Variants in CFAP97 observed in about 807,000 individuals in gnomAD.
The protein encoded by CFAP97 is cilia- and flagella-associated protein 97.
CFAP97 carries 36 observed loss-of-function variants against 43.1 expected under a neutral mutation model. The ratio of observed to expected loss-of-function variants is 0.84; its 90% CI spans 0.64 to 1.10. CFAP97 has a LOEUF of 1.10. Among genes scored for constraint, CFAP97 ranks in the 50% least tolerant of loss-of-function variants. CFAP97 has a pLI of 0.00. For missense variants in CFAP97, 657 were observed against 620.3 expected (o/e 1.06, Z -0.63); for synonymous variants, 228 against 225.7 (o/e 1.01, Z -0.09).
intron 1 of CFAP97, among the ~76,000 whole-genome samples, chr4:185,196,603 G>A (rs1461852429): frequency 1.3e-5 from 2 of 152,168 alleles, no homozygotes; most frequent in African/African-American, 4.8e-5. Context: ...TCTCAGGCAA[G>A]GGTTGGAAAT....
intron 1 of CFAP97, among the ~76,000 whole-genome samples, chr4:185,194,107 T>C (rs145053140): frequency 7.9e-5 from 12 of 152,314 alleles, no homozygotes; most frequent in African/African-American, 2.6e-4. Context: ...CTCCCCCAGC[T>C]TTCACACTAC....
chr4:185,192,792 G>C (rs995508963), intron 1 of CFAP97, among the ~76,000 whole-genome samples: 18 of 139,548 alleles, frequency 1.3e-4, no homozygotes, highest in African/African-American at 4.5e-4. Context: ...CCAGGCTGGA[G>C]TGCAGTGGTG....
At position 185,161,147 on chromosome 4, in the gene CFAP97, G is replaced by C. The variant is rs1358610520; in HGVS notation, c.*1651C>G. Reference sequence around the variant, plus strand: ...AGTATAGCTCAAGCTTATATACACAGCAGGTATAGTAACTTGTTCACCAGA... The same window carrying C: ...AGTATAGCTCAAGCTTATATACACACCAGGTATAGTAACTTGTTCACCAGA... On this transcript the variant is annotated 3_prime_UTR_variant, in exon 5 of 5. Transcript: ENST00000458385. 1 of 152,042 alleles carries C rather than the reference G, an allele frequency of 6.6e-6. No homozygotes were observed. The highest frequency in any genetic ancestry group is 1.5e-5 in the Non-Finnish European group (1 of 68,008). The allele number at this position is 152,042 out of a possible 1,614,324, so 9.4% of individuals were successfully genotyped here.
chr4:185,195,701 G>A (rs533888486), intron 1 of CFAP97, among the ~76,000 whole-genome samples: 1 of 152,132 alleles, frequency 6.6e-6, no homozygotes, highest in Non-Finnish European at 1.5e-5. Context: ...ATAGAGGCCT[G>A]CGATCTTGAG....
chr4:185,187,946 G>GA (rs1451676450), intron 2 of CFAP97, among the ~76,000 whole-genome samples: 4 of 152,114 alleles, frequency 2.6e-5, no homozygotes, highest in African/African-American at 9.7e-5. Context: ...CGCCAGGCTG[G>GA]AGTGCAGTGG....
At chr4:185,195,123 G>A (rs528928606) in intron 1 of CFAP97, among the ~76,000 whole-genome samples, 6 of 152,210 alleles carry the variant, frequency 3.9e-5, no homozygotes, top group African/African-American at 9.6e-5. Context: ...ATAAAATGTC[G>A]TGTAAGCACA....
intron 1 of CFAP97, among the ~76,000 whole-genome samples, chr4:185,197,239 G>A (rs1018478284): frequency 6.6e-6 from 1 of 150,838 alleles, no homozygotes; most frequent in African/African-American, 2.4e-5. Context: ...AAGAAATGAA[G>A]AGATCTTAAA....
upstream of CFAP97, chr4:185,207,651 C>T (rs1488050519): frequency 6.6e-6 from 1 of 152,166 alleles, no homozygotes; most frequent in Non-Finnish European, 1.5e-5. Context: ...AATGCACAAG[C>T]TCTGAAGCTG....
rs1314156663 is a variant in CFAP97, at chr4:185,201,212, G to A, written c.-17+2686C>T. The stretch of plus-strand genomic sequence containing the variant: ...GTGGTGGCCCATGTCTGTAATCCCA[G>A]CTACTTGGGAGGCTGAGGCAGGAGA... On this transcript the variant is annotated intron_variant, in intron 1 of 4. Coordinates refer to ENST00000458385, the MANE Select transcript of CFAP97 (RefSeq NM_020827.3). Among the ~76,000 whole-genome samples the A allele has an allele frequency of 2.0e-5, 3 of 151,470 alleles. 1 individual carries two copies. Among genetic ancestry groups the A allele is most frequent in the Admixed American group, 1.3e-4 (2 of 15,110 alleles).
chr4:185,209,782 C>T (rs1737450091), upstream of CFAP97: 10 of 983,564 alleles, frequency 1.0e-5, no homozygotes, highest in African/African-American at 3.5e-5. This position sits in a 1 kb window ranked among gnomAD's most constrained non-coding sequence, Gnocchi z 5.2. Context: ...GGCGGGGGAC[C>T]GGGGGGCAGG....
intron 1 of CFAP97, among the ~76,000 whole-genome samples, chr4:185,193,642 G>A (rs1323482183): frequency 6.6e-6 from 1 of 152,188 alleles, no homozygotes; most frequent in African/African-American, 2.4e-5. Context: ...ATATGAGACT[G>A]TGTCTTAAAA....
Position 185,161,244 on chromosome 4 carries a change from A to T in CFAP97, c.*1554T>A, listed in dbSNP as rs1457167489. The T allele has an allele frequency of 6.6e-6, 1 of 152,180 alleles. No individual in the cohort carries two copies. The highest frequency in any genetic ancestry group is 1.5e-5 in the Non-Finnish European group (1 of 68,040). 9.4% of individuals were successfully genotyped at this position (152,180 alleles called of 1,614,324 possible). ...AGAACCTCAAAGCCAGGTTGTGGCC[A>T]GGTGAATTATTTAACCTCACTGTGC... is the stretch of plus-strand genomic sequence containing the variant. On this transcript the variant is annotated 3_prime_UTR_variant, in exon 5 of 5. Transcript: ENST00000458385.
chr4:185,197,338 A>G (rs1002203619), intron 1 of CFAP97, among the ~76,000 whole-genome samples: 8 of 152,162 alleles, frequency 5.3e-5, no homozygotes, highest in Admixed American at 5.2e-4. Flanking sequence ...ACATATGTAT[A>G]TAAACTTATT....
chr4:185,192,595 A>G (rs770872630), intron 1 of CFAP97, among the ~76,000 whole-genome samples: 4 of 145,032 alleles, frequency 2.8e-5, no homozygotes, highest in Non-Finnish European at 4.5e-5. Flanking sequence ...AAACATCACT[A>G]TAAAGTCATA....
intron 1 of CFAP97, among the ~76,000 whole-genome samples, chr4:185,192,977 T>TG (rs1209743267): frequency 6.6e-6 from 1 of 152,112 alleles, no homozygotes; most frequent in Non-Finnish European, 1.5e-5. Context: ...CCTGACCTTG[T>TG]GATCCGCCCA....
chr4:185,164,272 T>TC, intron 3 of CFAP97, 93 bp from the exon 4 acceptor site: 4 of 1,203,822 alleles, frequency 3.3e-6, no homozygotes, highest in Non-Finnish European at 4.5e-6. Context: ...TCACTTTCTT[T>TC]CTTTTTTTTT....
At chr4:185,181,274 TA>T (rs55683602) in intron 2 of CFAP97, among the ~76,000 whole-genome samples, 8 of 132,870 alleles carry the variant, frequency 6.0e-5, no homozygotes, top group Non-Finnish European at 9.5e-5. Flanking sequence ...AAAATAAAAA[TA>T]AAAAAAAATT....
rs34825796 is a variant in CFAP97 at position 185,191,215 on chromosome 4, G to GAA, written c.-16-5_-16-4dup. 2.3e-3 allele frequency: 3,062 copies of GAA among 1,358,108 alleles called. No homozygotes were observed. Among genetic ancestry groups the GAA allele is most frequent in the South Asian group, 2.8e-3 (180 of 63,218 alleles). 84.1% of individuals were successfully genotyped at this position (1,358,108 alleles called of 1,614,324 possible). On this transcript the variant is annotated splice_region_variant and splice_polypyrimidine_tract_variant and intron_variant, in intron 1 of 4. Transcript: ENST00000458385. ...GATCCATGATGGCAAAAATATATCT[G>GAA]AAAAAAAAATGTAAACATCAGACTA...
chr4:185,180,409 T>C (rs1290265157), intron 2 of CFAP97, among the ~76,000 whole-genome samples: 1 of 152,210 alleles, frequency 6.6e-6, no homozygotes, highest in African/African-American at 2.4e-5. Context: ...CTGTATCCAT[T>C]AAACTCTGAC....
Sources: allele counts gnomAD v4.1 joint callset (sites outside exome capture counted in the v4.1 genomes callset), GRCh38; gene constraint gnomAD v4.1.1; non-coding constraint Gnocchi (gnomAD v3.1); transcripts MANE v1.5; gene names NCBI Gene and HGNC (gene_info 2026-07-23, HGNC 2026-07-21).